DDX54: variants seen among roughly 807,000 people sequenced by gnomAD.
DDX54 encodes DEAD-box helicase 54, also known as ATP-dependent RNA helicase DDX54.
DDX54 carries 67 observed loss-of-function variants against 105.5 expected under a neutral mutation model. That is an observed-to-expected ratio of 0.64 (90% CI 0.52 to 0.78). The LOEUF (loss-of-function observed/expected upper bound fraction) is 0.78, where lower values mean the gene tolerates loss of function less well. Among genes scored for constraint, DDX54 ranks in the 30% least tolerant of loss-of-function variants. DDX54 has a pLI of 0.00. For synonymous variants in DDX54, 514 were observed against 509.9 expected, an observed-to-expected ratio of 1.01 and a Z score of -0.11; for missense variants, 1,206 against 1,230.5, an observed-to-expected ratio of 0.98 and a Z score of 0.30.
At chr12:113,184,121 T>C (rs796289025) in intron 1 of DDX54, among the ~76,000 whole-genome samples, 10 of 152,266 alleles carry the variant, frequency 6.6e-5, no homozygotes, top group African/African-American at 2.4e-4. Flanking sequence ...TATTTTTGTA[T>C]TTTTAGTAGA....
intron 1 of DDX54, among the ~76,000 whole-genome samples, chr12:113,185,048 G>A (rs1952511632): frequency 6.6e-6 from 1 of 152,206 alleles, no homozygotes; most frequent in African/African-American, 2.4e-5. Flanking sequence ...CGGCAGGAAG[G>A]CCCGCAGGCT....
Position 113,185,439 on chromosome 12 carries a change from T to C in DDX54, c.13A>G (p.Lys5Glu). 6.6e-7 allele frequency: 1 copy of C among 1,508,298 alleles called. No homozygotes were observed. Among genetic ancestry groups the C allele is most frequent in the Non-Finnish European group, 8.8e-7 (1 of 1,131,798 alleles). The allele number at this position is 1,508,298 out of a possible 1,614,324, so 93.4% of individuals were successfully genotyped here. A position where few individuals can be genotyped will look rare whatever the true frequency, so the allele number is the denominator to read the frequency against. Residue 5 changes from lysine to glutamate, a missense_variant, in exon 1 of 20, where the codon AAG becomes GAG. By Grantham distance (56) the Lys-to-Glu change is moderately conservative. This residue lies in a region of DDX54 where 212 missense variants were observed against 155.4 expected (regional missense o/e 1.36). Coordinates refer to ENST00000306014, the MANE Select transcript of DDX54 (RefSeq NM_024072.4). MAAD[K>E]GPAAGPRSRA... is the part of the protein sequence containing the mutation. Reference sequence around the variant, plus strand: ...GACCGAGGTCCAGCCGCCGGGCCCTTGTCGGCCGCCATTCGGGCCGCGCGC... The same window carrying C: ...GACCGAGGTCCAGCCGCCGGGCCCTCGTCGGCCGCCATTCGGGCCGCGCGC...
chr12:113,185,285 G>T lies in DDX54; in HGVS notation c.167C>A (p.Ala56Asp). 6.4e-7 allele frequency: 1 copy of T among 1,569,046 alleles called. No individual in the cohort carries two copies. The highest frequency in any genetic ancestry group is 8.6e-7 in the Non-Finnish European group (1 of 1,160,014). Residue 56 changes from alanine to aspartate, a missense_variant, in exon 1 of 20, where the codon GCC becomes GAC. Physicochemically the swap from Ala to Asp is moderately radical, Grantham distance 126. Coordinates refer to ENST00000306014, the MANE Select transcript of DDX54 (RefSeq NM_024072.4). Reference protein sequence around the residue: ...FEIQAEDDARARKLGPGRPLP... With the variant: ...FEIQAEDDARDRKLGPGRPLP... ...CCAGCCCCACGCGCCTACCTTCCGG[G>T]CCCGGGCGTCATCTTCCGCCTGGAT...
At chr12:113,169,515 G>A (rs1271548701) in intron 12 of DDX54, among the ~76,000 whole-genome samples, 1 of 151,776 alleles carries the variant, frequency 6.6e-6, no homozygotes, top group African/African-American at 2.4e-5. Flanking sequence ...CAGCTACTCG[G>A]GAGGCTGAGG....
At chr12:113,164,333 A>C (rs1313455654) in intron 14 of DDX54, 48 bp from the exon 15 acceptor site, 3 of 1,516,796 alleles carry the variant, frequency 2.0e-6, no homozygotes, top group African/African-American at 2.8e-5. Context: ...CCTACTCCTA[A>C]CCCCACCCTT....
At chr12:113,177,328 A>G (rs1166136398) in intron 5 of DDX54, 1 of 524,442 alleles carries the variant, frequency 1.9e-6, no homozygotes, top group African/African-American at 1.9e-5. Context: ...AGATGGGCTC[A>G]ACTACAGACC....
chr12:113,172,637 G>A (rs2305903), intron 10 of DDX54, 74 bp from the exon 11 acceptor site: 18,090 of 1,546,084 alleles, frequency 0.012, 514 homozygotes, highest in East Asian at 0.073. Context: ...AGACCATGGC[G>A]GGGGACGGGC....
chr12:113,180,781 C>T, intron 2 of DDX54, 148 bp downstream of exon 2: 1 of 1,329,978 alleles, frequency 7.5e-7, no homozygotes, highest in Non-Finnish European at 1.0e-6. Context: ...CACTAGAAGG[C>T]CCTGAATGAC....
chr12:113,170,895 A>G (rs920085786), intron 11 of DDX54, among the ~76,000 whole-genome samples: 9 of 152,374 alleles, frequency 5.9e-5, no homozygotes, highest in Admixed American at 2.6e-4. Context: ...AAAGAAAAAA[A>G]CAAAAAGCCA....
rs1479860057 is a variant in DDX54 at position 113,157,439 on chromosome 12, T to G, written c.*1438A>C. 1 of 634,622 alleles carries G rather than the reference T, an allele frequency of 1.6e-6. No individual in the cohort carries two copies. Among genetic ancestry groups the G allele is most frequent in the Non-Finnish European group, 2.8e-6 (1 of 359,914 alleles). The allele number at this position is 634,622 out of a possible 1,614,324, so 39.3% of individuals were successfully genotyped here. A position where few individuals can be genotyped will look rare whatever the true frequency, so the allele number is the denominator to read the frequency against. ...GAGGCTTTCAAAACCCAGAACGGTT[T>G]AGGATCTCAGTCACCACCTCTGGGA... On this transcript the variant is annotated 3_prime_UTR_variant, in exon 20 of 20. Coordinates refer to ENST00000306014, the MANE Select transcript of DDX54 (RefSeq NM_024072.4).
At chr12:113,180,103 A>C in intron 2 of DDX54, 98 bp from the exon 3 acceptor site, 2 of 1,128,770 alleles carry the variant, frequency 1.8e-6, no homozygotes, top group Non-Finnish European at 2.7e-6. Context: ...TCAACAATAA[A>C]CAGCAAGGGA....
At position 113,157,970 on chromosome 12, in the gene DDX54, T is replaced by C; in HGVS notation, c.*907A>G. 1 of 457,422 alleles carries C rather than the reference T, an allele frequency of 2.2e-6. No homozygotes were observed. The highest frequency in any genetic ancestry group is 4.0e-6 in the Non-Finnish European group (1 of 251,730). The allele number at this position is 457,422 out of a possible 1,614,324, so 28.3% of individuals were successfully genotyped here. ...GACCAGGCCCTCCCTGCCAGGGTGG[T>C]TGGGGCATGAAAAAAAACTCTTTGT... On this transcript the variant is annotated 3_prime_UTR_variant, in exon 20 of 20. Coordinates refer to ENST00000306014, the MANE Select transcript of DDX54 (RefSeq NM_024072.4).
In DDX54 at chr12:113,174,668, G is replaced by A. The variant is rs1273131342; in HGVS notation, c.1040C>T (p.Thr347Met). The change falls in exon 10 of 20, where the codon ACG becomes ATG. Residue 347 changes from threonine (T) to methionine (M), a missense_variant. Thr to Met is a moderately conservative substitution (Grantham distance 81). Around this residue, in one of 3 missense-constraint regions of DDX54, gnomAD observed 961 missense variants for 1,019.1 expected, o/e 0.94. Coordinates refer to ENST00000306014, the MANE Select transcript of DDX54 (RefSeq NM_024072.4). ...PQDQTVVFVA[T>M]KHHAEYLTEL... ...AGTGAGGTACTCGGCGTGGTGCTTC[G>A]TGGCCACAAACACCACGGTCTGGTC... 5 of 1,610,838 alleles carry A rather than the reference G, an allele frequency of 3.1e-6. No individual in the cohort carries two copies. Among genetic ancestry groups the A allele is most frequent in the East Asian group, 2.2e-5 (1 of 44,764 alleles).
chr12:113,172,316 C>T, intron 11 of DDX54, 37 bp downstream of exon 11: 1 of 1,598,488 alleles, frequency 6.3e-7, no homozygotes, highest in South Asian at 1.1e-5. Flanking sequence ...GGATCCGGCA[C>T]CCCTGCCTGC....
chr12:113,175,147 T>G lies in DDX54; in HGVS notation c.763A>C (p.Met255Leu). Reference protein sequence around the residue: ...VFDEADRLFEMGFAEQLQEII... With the variant: ...VFDEADRLFELGFAEQLQEII... ...TCCTGCAGCTGCTCTGCGAAACCCA[T>G]TTCAAAAAGCCTGGAAGGGTAGAGG... The change falls in exon 8 of 20, where the codon ATG becomes CTG. Residue 255 changes from methionine to leucine, a missense_variant. Met to Leu is a conservative substitution (Grantham distance 15). Transcript: ENST00000306014. 6.2e-7 allele frequency: 1 copy of G among 1,609,602 alleles called. No individual in the cohort carries two copies. The highest frequency in any genetic ancestry group is 1.7e-4 in the Middle Eastern group (1 of 6,052).
chr12:113,164,869 T>TA (rs936225107), intron 14 of DDX54, among the ~76,000 whole-genome samples: 13 of 136,990 alleles, frequency 9.5e-5, no homozygotes, highest in East Asian at 2.2e-4. Context: ...CTACAAAAAA[T>TA]AAAAAAAAAT....
At chr12:113,182,844 A>G (rs1952482258) in intron 1 of DDX54, among the ~76,000 whole-genome samples, 1 of 150,398 alleles carries the variant, frequency 6.6e-6, no homozygotes, top group South Asian at 2.1e-4. Context: ...GGCATGAGCC[A>G]CCACGCCCAG....
chr12:113,160,556 C>G (rs531370751), intron 19 of DDX54, among the ~76,000 whole-genome samples: 1 of 152,334 alleles, frequency 6.6e-6, no homozygotes, highest in East Asian at 1.9e-4. Flanking sequence ...CAGGCTCTGG[C>G]AGACAGAGCC....
intron 12 of DDX54, among the ~76,000 whole-genome samples, chr12:113,169,321 G>A (rs924993435): frequency 2.0e-5 from 3 of 151,660 alleles, no homozygotes; most frequent in Non-Finnish European, 2.9e-5. Flanking sequence ...ACCCCGTCTC[G>A]TTAAAAAATA....
Sources: allele counts gnomAD v4.1 joint callset (sites outside exome capture counted in the v4.1 genomes callset), GRCh38; gene constraint gnomAD v4.1.1; regional missense constraint gnomAD v4.1.1; transcripts MANE v1.5; gene names NCBI Gene and HGNC (gene_info 2026-07-23, HGNC 2026-07-21).